PDE12: variants seen among roughly 807,000 people sequenced by gnomAD.
PDE12 encodes the protein 2',5'-phosphodiesterase 12.
PDE12 carries 26 observed loss-of-function variants against 45.4 expected under a neutral mutation model. That is an observed-to-expected ratio of 0.57 (90% CI 0.42 to 0.79). PDE12 has a LOEUF of 0.79. Ranked by LOEUF, PDE12 falls within the 30% of genes least tolerant of loss-of-function variation. PDE12 has a pLI of 0.00. For synonymous variants in PDE12, 283 were observed against 323.9 expected (o/e 0.87, Z 1.36); for missense variants, 668 against 790.0 (o/e 0.85, Z 1.85).
chr3:57,574,381 A>G, the PDE12 span, among the ~76,000 whole-genome samples: 1 of 151,556 alleles, frequency 6.6e-6, no homozygotes, highest in Non-Finnish European at 1.5e-5. Flanking sequence ...TCACTGATCA[A>G]TGATAAGCAA....
the PDE12 span, among the ~76,000 whole-genome samples, chr3:57,594,711 G>C: frequency 6.6e-6 from 1 of 152,210 alleles, no homozygotes; most frequent in African/African-American, 2.4e-5. Flanking sequence ...ACTCAGGAGG[G>C]CATGAATCTT....
At chr3:57,618,506 C>T in the PDE12 span, among the ~76,000 whole-genome samples, 1 of 151,600 alleles carries the variant, frequency 6.6e-6, no homozygotes. Flanking sequence ...ACTGCAGCCT[C>T]AACCTCCCAG....
At chr3:57,608,126 G>C in the PDE12 span, among the ~76,000 whole-genome samples, 57 of 152,190 alleles carry the variant, frequency 3.7e-4, no homozygotes, top group African/African-American at 1.2e-3. Context: ...AATTTCATAT[G>C]CAGCCAAACT....
At chr3:57,573,046 C>T in the PDE12 span, among the ~76,000 whole-genome samples, 3 of 151,442 alleles carry the variant, frequency 2.0e-5, no homozygotes, top group African/African-American at 7.3e-5. Context: ...ACTAAAAATA[C>T]AAAAAATTAG....
In PDE12 at chr3:57,557,330, G is replaced by A; in HGVS notation, c.951G>A (p.Leu317=). The A allele has an allele frequency of 6.2e-7, 1 of 1,613,928 alleles. No individual in the cohort carries two copies. Among genetic ancestry groups the A allele is most frequent in the Non-Finnish European group, 8.5e-7 (1 of 1,180,018 alleles). Residue 317 remains leucine (L), a synonymous_variant, in exon 1 of 3, where the codon CTG becomes CTA. Coordinates refer to ENST00000311180, the MANE Select transcript of PDE12 (RefSeq NM_177966.7). ...AGACTGAGTTCTCGCGAACGGTTCT[G>A]TACCCATACTGTGCCCCCTACGCCC... ...YAQTEFSRTV[L]YPYCAPYALE... is the part of the protein sequence containing the mutation.
the PDE12 span, among the ~76,000 whole-genome samples, chr3:57,651,148 G>A: frequency 6.6e-6 from 1 of 152,108 alleles, no homozygotes; most frequent in Non-Finnish European, 1.5e-5. Context: ...ATGTTACAAT[G>A]GGTCGACTTA....
chr3:57,642,053 G>C, the PDE12 span, among the ~76,000 whole-genome samples: 1 of 152,064 alleles, frequency 6.6e-6, no homozygotes, highest in Admixed American at 6.6e-5. Flanking sequence ...GGTGATTCAC[G>C]CCTGTAATCC....
rs2069786823 is a variant in PDE12, at chr3:57,566,370, C to G, written c.*6366C>G. The stretch of plus-strand genomic sequence containing the variant: ...CATCTTATGGACGTACCACATTTGT[C>G]CATTCATTAGTTGACAGACATTTGA... On this transcript the variant is annotated 3_prime_UTR_variant, in exon 3 of 3. Coordinates refer to ENST00000311180, the MANE Select transcript of PDE12 (RefSeq NM_177966.7). The G allele has an allele frequency of 6.6e-6, 1 of 152,152 alleles. No homozygotes were observed. Among genetic ancestry groups the G allele is most frequent in the Non-Finnish European group, 1.5e-5 (1 of 68,026 alleles). 9.4% of individuals were successfully genotyped at this position (152,152 alleles called of 1,614,324 possible).
chr3:57,646,491 T>C, the PDE12 span: 10 of 1,543,674 alleles, frequency 6.5e-6, no homozygotes, highest in South Asian at 1.2e-4. Context: ...ATCCTGTTTT[T>C]AAAATTCCTA....
In PDE12 at chr3:57,560,876, A is replaced by G. The variant is rs1386823349; in HGVS notation, c.*872A>G. 6.1e-6 allele frequency: 6 copies of G among 985,432 alleles called. No individual in the cohort carries two copies. 61.0% of individuals were successfully genotyped at this position (985,432 alleles called of 1,614,324 possible). On this transcript the variant is annotated 3_prime_UTR_variant, in exon 3 of 3. Transcript: ENST00000311180. ...GGTCTACCTCTACCTCAATTTAGTT[A>G]GCGATTTACTACAATTTCAGAGCTT...
chr3:57,589,713 G>A, the PDE12 span, among the ~76,000 whole-genome samples: 24,645 of 151,506 alleles, frequency 0.16, 2,652 homozygotes, highest in East Asian at 0.48. Flanking sequence ...GCGAGACTCC[G>A]TCTCAAAAAA....
At chr3:57,650,597 C>T in the PDE12 span, among the ~76,000 whole-genome samples, 1 of 151,982 alleles carries the variant, frequency 6.6e-6, no homozygotes, top group Non-Finnish European at 1.5e-5. Flanking sequence ...AGAGAAATGG[C>T]TGGTTCTAGG....
At chr3:57,590,087 C>CTAAA in the PDE12 span, among the ~76,000 whole-genome samples, 1 of 96,606 alleles carries the variant, frequency 1.0e-5, no homozygotes, top group African/African-American at 3.5e-5. Context: ...AAGACTCTGT[C>CTAAA]TCAATAAATA....
chr3:57,595,428 A>C, the PDE12 span, among the ~76,000 whole-genome samples: 2 of 152,192 alleles, frequency 1.3e-5, no homozygotes. Context: ...CTGAAAACTT[A>C]AATATGCTTG....
chr3:57,613,132 G>A, the PDE12 span, among the ~76,000 whole-genome samples: 3 of 145,156 alleles, frequency 2.1e-5, no homozygotes, highest in Admixed American at 1.4e-4. Context: ...AGGCGCCTGC[G>A]ACCGCGTCTG....
chr3:57,608,245 C>T, the PDE12 span, among the ~76,000 whole-genome samples: 2 of 152,122 alleles, frequency 1.3e-5, no homozygotes, highest in African/African-American at 4.8e-5. Flanking sequence ...AAGCACTAAA[C>T]ATGGAAAGGA....
chr3:57,593,664 T>C, the PDE12 span, among the ~76,000 whole-genome samples: 2 of 152,238 alleles, frequency 1.3e-5, no homozygotes, highest in African/African-American at 4.8e-5. Flanking sequence ...TTAGTATTTT[T>C]GGATATATAC....
At position 57,561,977 on chromosome 3, in the gene PDE12, AT is replaced by A; in HGVS notation, c.*1978del. ...ACCAAATTGTGCCTTCCTAAATAAC[AT>A]TTTTGAGAGCATTTTAACAGCAGTT... On this transcript the variant is annotated 3_prime_UTR_variant, in exon 3 of 3. Transcript: ENST00000311180. 1 of 984,544 alleles carries A rather than the reference AT, an allele frequency of 1.0e-6. No individual in the cohort carries two copies. The highest frequency in any genetic ancestry group is 1.2e-6 in the Non-Finnish European group (1 of 829,122). The allele number at this position is 984,544 out of a possible 1,614,324, so 61.0% of individuals were successfully genotyped here.
chr3:57,645,682 T>A, the PDE12 span: 1 of 1,612,892 alleles, frequency 6.2e-7, no homozygotes, highest in Non-Finnish European at 8.5e-7. Context: ...ACGGGTAGTA[T>A]ATTCTTTGAA....
Sources: allele counts gnomAD v4.1 joint callset (sites outside exome capture counted in the v4.1 genomes callset), GRCh38; gene constraint gnomAD v4.1.1; transcripts MANE v1.5; gene names NCBI Gene and HGNC (gene_info 2026-07-23, HGNC 2026-07-21).